Variants in SPDL1 observed in about 807,000 individuals in gnomAD.
SPDL1 encodes the protein spindle apparatus coiled-coil protein 1.
Under a neutral mutation model 79.5 loss-of-function variants are expected in SPDL1, and 85 were observed. The ratio of observed to expected loss-of-function variants is 1.07; its 90% CI spans 0.90 to 1.28. The LOEUF (loss-of-function observed/expected upper bound fraction) is 1.28. Among genes scored for constraint, SPDL1 ranks in the 50% most tolerant of loss-of-function variants. SPDL1 has a pLI of 0.00. For missense variants in SPDL1, 703 were observed against 697.8 expected (o/e 1.01, Z -0.08); for synonymous variants, 269 against 240.3 (o/e 1.12, Z -1.10).
intron 2 of SPDL1, chr5:169,590,699 T>C: frequency 4.4e-6 from 2 of 459,516 alleles, no homozygotes; most frequent in South Asian, 3.1e-5. Context: ...ATTATCAAAC[T>C]AATAATTCTC....
chr5:169,604,272 T>C lies in SPDL1; in HGVS notation c.*65T>C. 7.1e-7 allele frequency: 1 copy of C among 1,412,132 alleles called. No individual in the cohort carries two copies. The highest frequency in any genetic ancestry group is 9.4e-7 in the Non-Finnish European group (1 of 1,059,072). The allele number at this position is 1,412,132 out of a possible 1,614,324, so 87.5% of individuals were successfully genotyped here. ...AAAGTTACTATGGTGCTTAAGATTG[T>C]CTTGATCTGACATATATCACCTTCT... On this transcript the variant is annotated 3_prime_UTR_variant, in exon 12 of 12. Transcript: ENST00000265295.
Position 169,601,355 on chromosome 5 carries a change from G to A in SPDL1, c.1400G>A (p.Cys467Tyr). ...PVDITTAKDACVNNSALGGEV... is the reference protein window; with the variant it reads ...PVDITTAKDAYVNNSALGGEV... ...GATATAACCACCGCTAAAGATGCATGTGTCAACAACAGTGCTCTCGGGGGA... is the reference window on the plus strand; with the variant it reads ...GATATAACCACCGCTAAAGATGCATATGTCAACAACAGTGCTCTCGGGGGA... The change falls in exon 11 of 12, where the codon TGT (cysteine) becomes TAT (tyrosine). Residue 467 changes from cysteine to tyrosine, a missense_variant. Transcript: ENST00000265295. 6.2e-7 allele frequency: 1 copy of A among 1,614,004 alleles called. No homozygotes were observed. The highest frequency in any genetic ancestry group is 8.5e-7 in the Non-Finnish European group (1 of 1,180,000).
At chr5:169,588,694 GC>G (rs1196744728) in intron 2 of SPDL1, 119 bp downstream of exon 2, 4 of 817,184 alleles carry the variant, frequency 4.9e-6, no homozygotes, top group Non-Finnish European at 7.3e-6. Flanking sequence ...TCTAGTTCCC[GC>G]CCTGCCCCGT....
At chr5:169,596,514 CTT>C (rs1712323423) in intron 7 of SPDL1, 45 bp from the exon 8 acceptor site, 2 of 1,509,978 alleles carry the variant, frequency 1.3e-6, no homozygotes, top group Non-Finnish European at 1.8e-6. Flanking sequence ...TTATCAGAAT[CTT>C]TCTCTCACTT....
In SPDL1 at chr5:169,596,585, A is replaced by G. The variant is rs201145666; in HGVS notation, c.916A>G (p.Met306Val). ...GTTACAAATTGCCACGTTGCTACAG[A>G]TGAAAGGGTCTCAAACTGAATTTGA... Reference protein sequence around the residue: ...MKLQIATLLQMKGSQTEFEQQ... With the variant: ...MKLQIATLLQVKGSQTEFEQQ... The change falls in exon 8 of 12, where the codon ATG becomes GTG. Residue 306 changes from methionine (M) to valine (V), a missense_variant. Physicochemically the swap from Met to Val is conservative, Grantham distance 21 (BLOSUM62 1). Transcript: ENST00000265295. 9.2e-5 allele frequency: 148 copies of G among 1,611,904 alleles called. No homozygotes were observed. The highest frequency in any genetic ancestry group is 1.8e-4 in the Admixed American group (11 of 59,564).
chr5:169,599,669 T>G (rs1380127852), intron 10 of SPDL1, among the ~76,000 whole-genome samples: 1 of 152,190 alleles, frequency 6.6e-6, no homozygotes, highest in East Asian at 1.9e-4. Context: ...GCTGCCATCC[T>G]GTGGAGCAGA....
chr5:169,595,865 C>G (rs539488504), intron 7 of SPDL1: 1 of 152,230 alleles, frequency 6.6e-6, no homozygotes, highest in Admixed American at 6.5e-5. Context: ...TCATCTGCAA[C>G]CTCATATCAT....
intron 1 of SPDL1, among the ~76,000 whole-genome samples, chr5:169,587,529 A>G (rs1468636960): frequency 6.6e-6 from 1 of 152,218 alleles, no homozygotes; most frequent in Non-Finnish European, 1.5e-5. Context: ...TATGGTTTCT[A>G]TTTTTGCATA....
rs139735825 is a variant in SPDL1 at position 169,588,429 on chromosome 5, A to G, written c.13A>G (p.Ile5Val). 1.0e-3 allele frequency: 1,680 copies of G among 1,610,006 alleles called. 3 individuals carry two copies. Among genetic ancestry groups the G allele is most frequent in the South Asian group, 1.6e-3 (146 of 89,936 alleles). MEAD[I>V]ITNLRCRLKE... Reference sequence around the variant, plus strand: ...AAAAGAAAAGAACATGGAGGCAGATATAATCACAAATCTTCGATGCAGGCT... The same window carrying G: ...AAAAGAAAAGAACATGGAGGCAGATGTAATCACAAATCTTCGATGCAGGCT... Residue 5 changes from isoleucine (I) to valine (V), a missense_variant, in exon 2 of 12, where the codon ATA becomes GTA. By Grantham distance (29) the Ile-to-Val change is conservative (BLOSUM62 3). Coordinates refer to ENST00000265295, the MANE Select transcript of SPDL1 (RefSeq NM_017785.5).
intron 5 of SPDL1, 45 bp from the exon 6 acceptor site, chr5:169,594,349 G>A (rs768275812): frequency 1.9e-6 from 3 of 1,612,018 alleles, no homozygotes; most frequent in East Asian, 4.5e-5. Context: ...TTATTTTCTT[G>A]CTAATGTAAT....
At chr5:169,601,154 G>A (rs1755852971) in intron 10 of SPDL1, 126 bp from the exon 11 acceptor site, 1 of 725,702 alleles carries the variant, frequency 1.4e-6, no homozygotes, top group East Asian at 2.7e-5. Flanking sequence ...ATGCATTTCA[G>A]TGAGGAGATG....
intron 9 of SPDL1, 76 bp from the exon 10 acceptor site, chr5:169,598,896 C>T (rs960110916): frequency 2.6e-5 from 38 of 1,461,492 alleles, no homozygotes; most frequent in East Asian, 9.6e-5. Context: ...TTCAAATATG[C>T]GATGAAATAT....
intron 8 of SPDL1, among the ~76,000 whole-genome samples, chr5:169,597,415 T>C (rs187024918): frequency 5.3e-5 from 8 of 152,294 alleles, no homozygotes; most frequent in Middle Eastern, 6.8e-3. Flanking sequence ...AAATTTTCTG[T>C]CTACGCCATT....
chr5:169,600,258 G>A (rs1187748281), intron 10 of SPDL1, among the ~76,000 whole-genome samples: 1 of 152,136 alleles, frequency 6.6e-6, no homozygotes, highest in Admixed American at 6.5e-5. Context: ...GCCAAAAATA[G>A]GAAGGTTTTT....
chr5:169,603,560 C>G (rs1479828742), intron 11 of SPDL1, among the ~76,000 whole-genome samples: 1 of 152,140 alleles, frequency 6.6e-6, no homozygotes, highest in Non-Finnish European at 1.5e-5. Context: ...ATTCTTTAGA[C>G]TTAAAAAATA....
intron 1 of SPDL1, 107 bp from the exon 2 acceptor site, chr5:169,588,287 G>T (rs761755317): frequency 9.7e-6 from 7 of 724,992 alleles, no homozygotes; most frequent in Non-Finnish European, 1.5e-5. Context: ...AAATTTTAAT[G>T]TTTTTATACG....
At chr5:169,594,077 A>T in intron 4 of SPDL1, 68 bp from the exon 5 acceptor site, 1 of 1,360,638 alleles carries the variant, frequency 7.3e-7, no homozygotes, top group Non-Finnish European at 1.0e-6. Flanking sequence ...CAACTGAGAT[A>T]AACTGAGCAG....
At chr5:169,591,019 A>G (rs766037057) in intron 2 of SPDL1, 29 bp from the exon 3 acceptor site, 25 of 1,566,180 alleles carry the variant, frequency 1.6e-5, no homozygotes, top group Non-Finnish European at 2.2e-5. Flanking sequence ...ATTTTTATGT[A>G]ATTGAATTGT....
At position 169,594,479 on chromosome 5, in the gene SPDL1, CTT is replaced by C. The variant is rs764631488; in HGVS notation, c.769_770del (p.Leu257ValfsTer32). 3 of 1,613,968 alleles carry C rather than the reference CTT, an allele frequency of 1.9e-6. No homozygotes were observed. Among genetic ancestry groups the C allele is most frequent in the Admixed American group, 1.7e-5 (1 of 60,024 alleles). ...TTGGATCCCAATAGTAAAGGCAACT[CTT>C]TGTTTGCAGAGGTACTTATAAGTAT... On this transcript the variant is annotated frameshift_variant, in exon 6 of 12. Coordinates refer to ENST00000265295, the MANE Select transcript of SPDL1 (RefSeq NM_017785.5). LOFTEE classifies it high-confidence loss of function.
Sources: gnomAD v4.1 joint callset for allele counts (sites outside exome capture counted in the v4.1 genomes callset) on GRCh38, gnomAD v4.1.1 for gene constraint, MANE v1.5 for transcripts, NCBI Gene and HGNC (gene_info 2026-07-23, HGNC 2026-07-21) for gene names.